NCOR2: variants seen among roughly 807,000 people sequenced by gnomAD.
NCOR2 encodes CTG repeat protein 26.
A neutral mutation model predicts 262.9 loss-of-function variants in NCOR2; 81 were observed. The observed-to-expected ratio is 0.31, with a 90% confidence interval of 0.26 to 0.37. The LOEUF is 0.37. Among genes scored for constraint, NCOR2 ranks in the 10% least tolerant of loss-of-function variants. The pLI is 1.00. For missense variants in NCOR2, 3,385 were observed against 3,621.4 expected (o/e 0.93, Z 1.68); for synonymous variants, 1,659 against 1,559.3 (o/e 1.06, Z -1.51).
intron 6 of NCOR2, among the ~76,000 whole-genome samples, chr12:124,451,420 A>G (rs964582218): frequency 1.3e-5 from 2 of 152,210 alleles, no homozygotes; most frequent in African/African-American, 2.4e-5. Context: ...CACTGTACAG[A>G]AAGAAAAATT....
At chr12:124,348,673 A>G in intron 28 of NCOR2, 1 of 331,338 alleles carries the variant, frequency 3.0e-6, no homozygotes, top group Non-Finnish European at 5.6e-6. Context: ...GGCGTGAACA[A>G]GTGCACACAC....
chr12:124,415,842 A>G (rs1385726046), intron 13 of NCOR2, among the ~76,000 whole-genome samples: 3 of 152,104 alleles, frequency 2.0e-5, no homozygotes, highest in African/African-American at 7.2e-5. Flanking sequence ...CCGGTGCCCC[A>G]GCCTGGCCCC....
intron 34 of NCOR2, among the ~76,000 whole-genome samples, chr12:124,341,020 T>G (rs546817490): frequency 1.3e-5 from 2 of 152,354 alleles, no homozygotes; most frequent in East Asian, 3.9e-4. Context: ...TCAGGCCCTC[T>G]GTGCCCCTTC....
At chr12:124,489,206 T>C (rs2047944730) in intron 1 of NCOR2, among the ~76,000 whole-genome samples, 3 of 151,988 alleles carry the variant, frequency 2.0e-5, no homozygotes, top group Admixed American at 2.0e-4. Context: ...GGAAACCACC[T>C]CGCCACGTCT....
rs2044057405 is a variant in NCOR2, at chr12:124,432,962, C to G, written c.883-2175G>C. Reference sequence around the variant, plus strand: ...GCTGGGGGTGGACAGACGGTGTGATCTGGGAGCCTCCACAAACACCCACTT... The same window carrying G: ...GCTGGGGGTGGACAGACGGTGTGATGTGGGAGCCTCCACAAACACCCACTT... On this transcript the variant is annotated intron_variant, in intron 8 of 46. Transcript: ENST00000405201. The surrounding 1 kb of genome is among the most constrained non-coding windows in gnomAD (Gnocchi z 5.1). Among the ~76,000 whole-genome samples, 1 of 152,170 alleles carries G rather than the reference C, an allele frequency of 6.6e-6. No individual in the cohort carries two copies. Among genetic ancestry groups the G allele is most frequent in the African/African-American group, 2.4e-5 (1 of 41,444 alleles).
intron 22 of NCOR2, among the ~76,000 whole-genome samples, chr12:124,359,211 C>A (rs367702271): frequency 6.6e-6 from 1 of 152,226 alleles, no homozygotes; most frequent in Admixed American, 6.5e-5. Context: ...GAGAGATAAC[C>A]GGCCAAGAAG....
At chr12:124,542,513 C>CA (rs2051403998) in intron 1 of NCOR2, 3 of 152,616 alleles carry the variant, frequency 2.0e-5, no homozygotes, top group Admixed American at 2.0e-4. Flanking sequence ...CCAAGACCCT[C>CA]AGCGCCCGTC....
Position 124,359,001 on chromosome 12 carries a change from C to T in NCOR2, c.3101-2219G>A, listed in dbSNP as rs548090459. On this transcript the variant is annotated intron_variant, in intron 22 of 46. Coordinates refer to ENST00000405201, the Ensembl canonical transcript of NCOR2. ...CAGGCACTGGGGCTGCAGACCATGG[C>T]CTTAATCCAGACTGCTATGCCACAT... 2.0e-5 allele frequency among the ~76,000 whole-genome samples: 3 copies of T among 152,386 alleles called. No homozygotes were observed. The East Asian group carries it at 5.8e-4, about 29-fold the overall frequency.
chr12:124,413,390 G>A (rs1471952024), intron 13 of NCOR2, among the ~76,000 whole-genome samples: 2 of 152,206 alleles, frequency 1.3e-5, no homozygotes, highest in Non-Finnish European at 2.9e-5. Flanking sequence ...GGTAGAGTCT[G>A]ACAACCCTGG....
At chr12:124,497,090 T>C (rs2048419790), upstream of NCOR2, among the ~76,000 whole-genome samples, 1 of 152,226 alleles carries the variant, frequency 6.6e-6, no homozygotes, top group Non-Finnish European at 1.5e-5. The surrounding 1 kb of genome is among the most constrained non-coding windows in gnomAD (Gnocchi z 4.2). Flanking sequence ...GCACTCCTTC[T>C]GCACGTTTTG....
chr12:124,340,491 C>A (rs1437077957), intron 35 of NCOR2, 48 bp from the exon 38 acceptor site: 1 of 1,593,220 alleles, frequency 6.3e-7, no homozygotes. Flanking sequence ...CGAAGAAGAG[C>A]CTGGCTTTGT....
intron 12 of NCOR2, among the ~76,000 whole-genome samples, chr12:124,421,326 C>T (rs1415280949): frequency 6.6e-6 from 1 of 152,250 alleles, no homozygotes; most frequent in Non-Finnish European, 1.5e-5. Context: ...GACTTCTAAT[C>T]CCCTCATCCT....
intron 3 of NCOR2, among the ~76,000 whole-genome samples, chr12:124,479,321 C>T (rs549054583): frequency 1.3e-3 from 194 of 151,778 alleles, no homozygotes; most frequent in African/African-American, 4.5e-3. Context: ...GACACATGCA[C>T]ACACGTGCGC....
At chr12:124,366,435 A>G (rs2039042425) in intron 20 of NCOR2, among the ~76,000 whole-genome samples, 1 of 152,116 alleles carries the variant, frequency 6.6e-6, no homozygotes, top group Admixed American at 6.5e-5. Context: ...GGCTGGGAGG[A>G]GGGAGGATAG....
At chr12:124,342,724 C>T (rs1710692661) in intron 33 of NCOR2, among the ~76,000 whole-genome samples, 3 of 152,206 alleles carry the variant, frequency 2.0e-5, no homozygotes, top group Non-Finnish European at 4.4e-5. Flanking sequence ...TACTCAAGTC[C>T]TCATTCTATA....
chr12:124,398,080 G>A lies in NCOR2; in HGVS notation c.1876+39C>T, dbSNP rs754566468. On this transcript the variant is annotated intron_variant, in intron 16 of 46. Transcript: ENST00000405201. ...CACGTGAGCTTCAGGCGCCCTGGAT[G>A]CAAACCAACAAGGCTTAAAGCCGCC... 48 of 1,612,332 alleles carry A rather than the reference G, an allele frequency of 3.0e-5. No individual in the cohort carries two copies. In the East Asian group the frequency reaches 3.3e-4, roughly 11 times the overall value.
At chr12:124,424,884 C>A (rs985547410) in intron 11 of NCOR2, among the ~76,000 whole-genome samples, 3 of 152,218 alleles carry the variant, frequency 2.0e-5, no homozygotes, top group African/African-American at 7.2e-5. Flanking sequence ...ACAGAGGCCT[C>A]CGTCCACACC....
chr12:124,502,321 A>T (rs2048787855), intron 1 of NCOR2, among the ~76,000 whole-genome samples: 2 of 152,242 alleles, frequency 1.3e-5, no homozygotes, highest in Non-Finnish European at 1.5e-5. Flanking sequence ...TACAGCAGTG[A>T]ATTACTGATC....
intron 8 of NCOR2, among the ~76,000 whole-genome samples, chr12:124,431,929 C>T (rs774009417): frequency 5.3e-5 from 8 of 151,928 alleles, no homozygotes; most frequent in Non-Finnish European, 1.0e-4. Flanking sequence ...GCCAGCCAGA[C>T]ACACAGATGG....
Sources: allele counts gnomAD v4.1 joint callset (sites outside exome capture counted in the v4.1 genomes callset), GRCh38; gene constraint gnomAD v4.1.1; non-coding constraint Gnocchi (gnomAD v3.1); transcripts MANE v1.5; gene names NCBI Gene and HGNC (gene_info 2026-07-23, HGNC 2026-07-21).